Variants in HNRNPC observed in about 807,000 individuals in gnomAD.
HNRNPC encodes the protein heterogeneous nuclear ribonucleoproteins C1/C2.
Under a neutral mutation model 33.2 loss-of-function variants are expected in HNRNPC, and 3 were observed. The observed-to-expected ratio is 0.09, with a 90% CI of 0.04 to 0.23. HNRNPC has a LOEUF of 0.23. HNRNPC is among the 10% of genes least tolerant of loss of function. HNRNPC has a pLI of 1.00. For synonymous variants in HNRNPC, 121 were observed against 126.7 expected (o/e 0.96, Z 0.30); for missense variants, 143 against 366.7 (o/e 0.39, Z 4.98).
intron 2 of HNRNPC, among the ~76,000 whole-genome samples, chr14:21,253,258 TGAA>T (rs1343121102): frequency 6.8e-5 from 10 of 146,476 alleles, no homozygotes; most frequent in Non-Finnish European, 1.5e-4. Flanking sequence ...AGGTGAATTA[TGAA>T]GTCAGGAGAT....
At chr14:21,231,532 G>T (rs969217948) in intron 3 of HNRNPC, 1 of 388,966 alleles carries the variant, frequency 2.6e-6, no homozygotes, top group Non-Finnish European at 5.1e-6. Context: ...ACGAACTCTT[G>T]GGGTCACGTG....
chr14:21,231,216 CCT>C (rs1254030255), intron 3 of HNRNPC, 144 bp from the exon 4 acceptor site: 3 of 758,938 alleles, frequency 4.0e-6, no homozygotes, highest in Non-Finnish European at 6.7e-6. Flanking sequence ...CTCACTGAAA[CCT>C]CTACCTCCCG....
At chr14:21,238,222 CAACT>C (rs567928627) in intron 2 of HNRNPC, among the ~76,000 whole-genome samples, 46 of 152,298 alleles carry the variant, frequency 3.0e-4, no homozygotes, top group Admixed American at 2.6e-3. Flanking sequence ...CGAGTTCTAA[CAACT>C]AACAACCCAA....
intron 5 of HNRNPC, among the ~76,000 whole-genome samples, chr14:21,225,110 C>A (rs1893268784): frequency 6.6e-6 from 1 of 152,004 alleles, no homozygotes; most frequent in Non-Finnish European, 1.5e-5. Context: ...TTTCGTGTTG[C>A]CCAAAGTTCT....
At chr14:21,241,055 G>A (rs1003807404) in intron 2 of HNRNPC, among the ~76,000 whole-genome samples, 1 of 152,092 alleles carries the variant, frequency 6.6e-6, no homozygotes, top group African/African-American at 2.4e-5. Context: ...TAGATCATGA[G>A]GTCACGAGTT....
chr14:21,259,252 C>T (rs1044702687), intron 2 of HNRNPC, among the ~76,000 whole-genome samples: 7 of 152,180 alleles, frequency 4.6e-5, no homozygotes, highest in Non-Finnish European at 1.0e-4. Context: ...CTAAGCTTCC[C>T]TGGCAGCATC....
At chr14:21,230,444 G>T in intron 4 of HNRNPC, 78 bp from the exon 5 acceptor site, 1 of 1,006,236 alleles carries the variant, frequency 9.9e-7, no homozygotes, top group Non-Finnish European at 1.6e-6. Context: ...GGAGAACCAT[G>T]CCAAATAAAC....
intron 5 of HNRNPC, among the ~76,000 whole-genome samples, chr14:21,225,804 T>C (rs1777380011): frequency 6.6e-6 from 1 of 152,194 alleles, no homozygotes; most frequent in South Asian, 2.1e-4. Context: ...TGGTTTTTAT[T>C]AGTTCTGCAA....
At chr14:21,251,281 A>T (rs866196537) in intron 2 of HNRNPC, among the ~76,000 whole-genome samples, 1 of 148,958 alleles carries the variant, frequency 6.7e-6, no homozygotes, top group Non-Finnish European at 1.5e-5. Context: ...AAAAAAAAAA[A>T]AAAGACTTCA....
intron 5 of HNRNPC, among the ~76,000 whole-genome samples, chr14:21,222,917 C>T (rs541888245): frequency 1.3e-5 from 2 of 150,946 alleles, no homozygotes; most frequent in South Asian, 4.2e-4. Flanking sequence ...AACAAAAACA[C>T]CAGCTGGGCG....
chr14:21,218,904 G>T (rs539883384), intron 5 of HNRNPC, among the ~76,000 whole-genome samples: 1 of 151,774 alleles, frequency 6.6e-6, no homozygotes, highest in African/African-American at 2.4e-5. Flanking sequence ...GAGATCAGGA[G>T]TTCAAGAATA....
intron 2 of HNRNPC, among the ~76,000 whole-genome samples, chr14:21,253,489 A>G (rs1231904870): frequency 2.1e-5 from 3 of 143,560 alleles, no homozygotes; most frequent in Non-Finnish European, 4.6e-5. Context: ...AAAAAAAGAT[A>G]GCACCAAAGA....
At chr14:21,245,084 C>CAAAAAAAAA (rs71112560) in intron 2 of HNRNPC, among the ~76,000 whole-genome samples, 3 of 54,570 alleles carry the variant, frequency 5.5e-5, no homozygotes, top group African/African-American at 1.3e-4. Context: ...GACTCCATCT[C>CAAAAAAAAA]AAAAAAAAAA....
intron 3 of HNRNPC, 66 bp from the exon 4 acceptor site, chr14:21,231,138 A>G: frequency 6.8e-7 from 1 of 1,461,512 alleles, no homozygotes; most frequent in Non-Finnish European, 9.5e-7. Flanking sequence ...TACAAAGTTT[A>G]TTTTTTTTAT....
chr14:21,234,315 A>C, intron 2 of HNRNPC, 86 bp from the exon 3 acceptor site: 2 of 1,220,838 alleles, frequency 1.6e-6, no homozygotes, highest in Non-Finnish European at 2.3e-6. Flanking sequence ...ACTCTGAATC[A>C]CTGTTAACTG....
rs747732483 is a variant in HNRNPC, at chr14:21,234,194, C to T, written c.-1G>A. On this transcript the variant is annotated 5_prime_UTR_variant, in exon 3 of 9. Transcript: ENST00000553300. ...TCTTGTTGGTAACGTTGCTGGCCAT[C>T]GTGTTTGATGGTAAGGTTTCTCACA... is the stretch of plus-strand genomic sequence containing the variant. The T allele has an allele frequency of 8.1e-6, 13 of 1,613,122 alleles. No individual in the cohort carries two copies. The Admixed American group carries it at 1.2e-4, about 14-fold the overall frequency.
intron 1 of HNRNPC, among the ~76,000 whole-genome samples, chr14:21,266,027 G>C (rs1045191376): frequency 3.9e-5 from 6 of 152,168 alleles, no homozygotes; most frequent in African/African-American, 1.4e-4. Context: ...TAGCCCTATT[G>C]ATTCTGGTGT....
chr14:21,220,754 A>AC (rs959151770), intron 5 of HNRNPC, among the ~76,000 whole-genome samples: 3 of 152,112 alleles, frequency 2.0e-5, no homozygotes, highest in African/African-American at 4.8e-5. Flanking sequence ...AAAGCAGGGG[A>AC]CTTCCCAATG....
intron 5 of HNRNPC, among the ~76,000 whole-genome samples, chr14:21,222,333 C>T (rs1892919143): frequency 6.6e-6 from 1 of 152,166 alleles, no homozygotes; most frequent in Non-Finnish European, 1.5e-5. Flanking sequence ...AATGAAAACA[C>T]ATGACCACAC....
Sources: allele counts gnomAD v4.1 joint callset (sites outside exome capture counted in the v4.1 genomes callset), GRCh38; gene constraint gnomAD v4.1.1; transcripts MANE v1.5; gene names NCBI Gene and HGNC (gene_info 2026-07-23, HGNC 2026-07-21).